Variants in KCNMA1 observed in about 807,000 individuals in gnomAD.
KCNMA1 encodes the protein potassium calcium-activated channel subfamily M alpha 1, also known as Calcium-activated potassium channel subunit alpha-1.
KCNMA1 carries 29 observed loss-of-function variants against 140.0 expected under a neutral mutation model. That is an observed-to-expected ratio of 0.21 (90% CI 0.15 to 0.28). KCNMA1 has a LOEUF of 0.28. Among genes scored for constraint, KCNMA1 ranks in the 10% least tolerant of loss-of-function variants. KCNMA1 has a pLI of 1.00. For missense variants in KCNMA1, 880 were observed against 1,602.2 expected (o/e 0.55, Z 7.70); for synonymous variants, 612 against 611.9 (o/e 1.00, Z 0.00).
At chr10:77,193,361 C>A (rs954507782) in intron 3 of KCNMA1, among the ~76,000 whole-genome samples, 3 of 152,186 alleles carry the variant, frequency 2.0e-5, no homozygotes, top group African/African-American at 7.2e-5. Context: ...CTACATAAAA[C>A]AGAGTCTTTC....
At chr10:77,633,047 T>C (rs906636569) in intron 1 of KCNMA1, among the ~76,000 whole-genome samples, 14 of 152,204 alleles carry the variant, frequency 9.2e-5, no homozygotes, top group African/African-American at 3.1e-4. Flanking sequence ...CTGGACGCCG[T>C]GCCTCACGCC....
At chr10:76,955,475 C>T (rs141529133) in intron 20 of KCNMA1, among the ~76,000 whole-genome samples, 386 of 152,282 alleles carry the variant, frequency 2.5e-3, no homozygotes, top group African/African-American at 8.8e-3. Context: ...CACCAAATGA[C>T]AAATACTATG....
intron 19 of KCNMA1, among the ~76,000 whole-genome samples, chr10:76,988,447 G>C (rs2081883020): frequency 6.6e-6 from 1 of 152,098 alleles, no homozygotes; most frequent in African/African-American, 2.4e-5. Flanking sequence ...AGGATTGCTT[G>C]AACCTAAAAG....
chr10:77,159,750 G>A (rs1475177548), intron 5 of KCNMA1, among the ~76,000 whole-genome samples: 1 of 152,044 alleles, frequency 6.6e-6, no homozygotes, highest in Non-Finnish European at 1.5e-5. Flanking sequence ...TCTTCCCTGG[G>A]ACACGTCAGG....
At chr10:77,135,703 C>T (rs927546032) in intron 5 of KCNMA1, among the ~76,000 whole-genome samples, 2 of 152,230 alleles carry the variant, frequency 1.3e-5, no homozygotes, top group East Asian at 1.9e-4. Context: ...GTGGATGAAC[C>T]TAAAGTTTAT....
At chr10:77,380,151 T>G (rs2095330739) in intron 2 of KCNMA1, among the ~76,000 whole-genome samples, 1 of 152,234 alleles carries the variant, frequency 6.6e-6, no homozygotes, top group Admixed American at 6.5e-5. Flanking sequence ...TTGGAAATTT[T>G]ATGTTGTCGT....
At chr10:76,871,440 CCCAA>C (rs2031313951) in exon 28 of KCNMA1, 5 of 152,428 alleles carry the variant, frequency 3.3e-5, no homozygotes, top group Non-Finnish European at 5.9e-5. Context: ...TCCCTACAAT[CCCAA>C]CCAATCTTCT....
At chr10:77,416,097 T>C (rs1178222068) in intron 1 of KCNMA1, among the ~76,000 whole-genome samples, 2 of 152,146 alleles carry the variant, frequency 1.3e-5, no homozygotes, top group African/African-American at 4.8e-5. Context: ...CTAGCCCAAA[T>C]GCCTCATTCT....
chr10:77,373,752 T>C (rs1257021029), intron 2 of KCNMA1: 1 of 152,212 alleles, frequency 6.6e-6, no homozygotes, highest in Admixed American at 6.5e-5. Context: ...TCTGGATCTA[T>C]CTAATTGACT....
intron 2 of KCNMA1, among the ~76,000 whole-genome samples, chr10:77,352,546 AAAC>A (rs1407109381): frequency 6.6e-6 from 1 of 152,200 alleles, no homozygotes; most frequent in Non-Finnish European, 1.5e-5. Flanking sequence ...ATTTAAACTT[AAAC>A]AACCACTCGT....
At chr10:77,559,868 G>T (rs1370745318) in intron 1 of KCNMA1, among the ~76,000 whole-genome samples, 1 of 152,058 alleles carries the variant, frequency 6.6e-6, no homozygotes, top group African/African-American at 2.4e-5. Flanking sequence ...ACTATATTCA[G>T]CCCGATATGT....
intron 1 of KCNMA1, among the ~76,000 whole-genome samples, chr10:77,534,487 T>C (rs879716233): frequency 6.6e-6 from 1 of 152,196 alleles, no homozygotes; most frequent in Non-Finnish European, 1.5e-5. Context: ...ACGAGGTCCT[T>C]TCTCTATCCA....
chr10:77,115,455 T>C (rs1247128952), intron 6 of KCNMA1, among the ~76,000 whole-genome samples: 1 of 152,222 alleles, frequency 6.6e-6, no homozygotes, highest in East Asian at 1.9e-4. Context: ...GATGAAGAAC[T>C]GATAGCCGGC....
chr10:77,292,008 T>C (rs544062034), intron 2 of KCNMA1, among the ~76,000 whole-genome samples: 2 of 152,238 alleles, frequency 1.3e-5, no homozygotes, highest in African/African-American at 2.4e-5. Flanking sequence ...AACTTTAAAA[T>C]TGAACTAAGG....
intron 1 of KCNMA1, among the ~76,000 whole-genome samples, chr10:77,460,799 G>T (rs760232404): frequency 1.3e-5 from 2 of 152,088 alleles, no homozygotes; most frequent in Non-Finnish European, 2.9e-5. Context: ...CGGTGAGGGG[G>T]TGTGGGATAA....
At chr10:77,221,123 A>G (rs1005569981) in intron 3 of KCNMA1, among the ~76,000 whole-genome samples, 1 of 152,218 alleles carries the variant, frequency 6.6e-6, no homozygotes, top group Non-Finnish European at 1.5e-5. Context: ...TTAATTATTC[A>G]CAAATGCAAA....
At chr10:76,932,714 C>T (rs144566955) in intron 23 of KCNMA1, among the ~76,000 whole-genome samples, 176 of 152,272 alleles carry the variant, frequency 1.2e-3, no homozygotes, top group African/African-American at 3.8e-3. Context: ...TTCCTTAACC[C>T]TCCATGACTG....
chr10:77,255,862 G>A (rs1227885117), intron 2 of KCNMA1, among the ~76,000 whole-genome samples: 1 of 147,810 alleles, frequency 6.8e-6, no homozygotes, highest in Non-Finnish European at 1.5e-5. Flanking sequence ...GCAGTTAGCC[G>A]AGATGGTGCC....
chr10:77,537,055 G>A (rs2059056716), intron 1 of KCNMA1, among the ~76,000 whole-genome samples: 1 of 152,080 alleles, frequency 6.6e-6, no homozygotes, highest in Admixed American at 6.6e-5. Context: ...ATTATTTTAT[G>A]TTCATATTTA....
Sources: gnomAD v4.1 joint callset for allele counts (sites outside exome capture counted in the v4.1 genomes callset) on GRCh38, gnomAD v4.1.1 for gene constraint, MANE v1.5 for transcripts, NCBI Gene and HGNC (gene_info 2026-07-23, HGNC 2026-07-21) for gene names.